Variants in CA10 observed in about 807,000 individuals in gnomAD.
The protein encoded by CA10 is carbonic anhydrase 10 (inactive), also known as carbonic anhydrase-related protein 10.
Under a neutral mutation model 44.2 loss-of-function variants are expected in CA10, and 14 were observed. The observed-to-expected ratio is 0.32, with a 90% CI of 0.21 to 0.50. The LOEUF (loss-of-function observed/expected upper bound fraction) is 0.50, where lower values mean the gene tolerates loss of function less well. Ranked by LOEUF, CA10 falls within the 20% of genes least tolerant of loss-of-function variation. The probability of loss-of-function intolerance (pLI) is 0.99; values close to 1 mark genes in which losing one functional copy is unlikely to be tolerated. For missense variants in CA10, 350 were observed against 409.7 expected, an observed-to-expected ratio of 0.85 and a Z score of 1.26; for synonymous variants, 159 against 141.6, an observed-to-expected ratio of 1.12 and a Z score of -0.87.
chr17:52,073,241 G>GT (rs906157850), intron 1 of CA10, among the ~76,000 whole-genome samples: 13 of 151,890 alleles, frequency 8.6e-5, no homozygotes, highest in Non-Finnish European at 1.8e-4. Context: ...TCTGGTGGGG[G>GT]TTTTTTTCCA....
chr17:51,975,521 A>G (rs1469608924), intron 2 of CA10, among the ~76,000 whole-genome samples: 1 of 152,206 alleles, frequency 6.6e-6, no homozygotes, highest in African/African-American at 2.4e-5. Context: ...TCTACTAAAA[A>G]TACAATAACG....
chr17:51,684,670 T>C (rs1381172307), intron 4 of CA10, among the ~76,000 whole-genome samples: 1 of 152,206 alleles, frequency 6.6e-6, no homozygotes, highest in African/African-American at 2.4e-5. Context: ...CTCTTTAGTA[T>C]TAATTTGCTC....
chr17:51,956,426 TCAA>T (rs911314031), intron 2 of CA10, among the ~76,000 whole-genome samples: 22 of 152,344 alleles, frequency 1.4e-4, no homozygotes, highest in African/African-American at 5.0e-4. Flanking sequence ...TGATTTTCAC[TCAA>T]CAATACATTT....
chr17:52,058,269 A>G (rs1987284350), intron 2 of CA10, among the ~76,000 whole-genome samples: 1 of 152,208 alleles, frequency 6.6e-6, no homozygotes, highest in Admixed American at 6.5e-5. Context: ...AGCCTAAAGC[A>G]AAATTATAAT....
At chr17:51,861,756 T>G (rs1391605923) in intron 3 of CA10, among the ~76,000 whole-genome samples, 1 of 152,092 alleles carries the variant, frequency 6.6e-6, no homozygotes, top group Non-Finnish European at 1.5e-5. Context: ...TTGATTTACA[T>G]AAAATAAATC....
chr17:51,957,164 G>A (rs1983697839), intron 2 of CA10, among the ~76,000 whole-genome samples: 1 of 152,152 alleles, frequency 6.6e-6, no homozygotes, highest in Non-Finnish European at 1.5e-5. Flanking sequence ...TATTTTGCGA[G>A]TTAATTAAAG....
At chr17:51,644,175 T>G (rs72830540) in intron 6 of CA10, among the ~76,000 whole-genome samples, 1 of 15,338 alleles carries the variant, frequency 6.5e-5, no homozygotes, top group Non-Finnish European at 1.9e-4. Flanking sequence ...GTTCCCCCCC[T>G]TTTTTTTTTT....
intron 4 of CA10, among the ~76,000 whole-genome samples, chr17:51,728,587 T>C (rs1319164095): frequency 1.3e-5 from 2 of 152,212 alleles, no homozygotes; most frequent in Non-Finnish European, 2.9e-5. Flanking sequence ...TCTGGGCTTA[T>C]GGATTTTTGG....
rs57349663 is a variant in CA10, at chr17:52,094,318, CA to C, written c.62-21926del. Among the ~76,000 whole-genome samples the C allele has an allele frequency of 2.2e-3, 324 of 144,322 alleles. 1 individual carries two copies. Among genetic ancestry groups the C allele is most frequent in the African/African-American group, 5.8e-3 (230 of 39,738 alleles). 94.7% of individuals were successfully genotyped at this position (144,322 alleles called of 152,430 possible). ...AAAAAACCTAAATAAATGTATAAAG[CA>C]AAAAAAAAAAAGATTATGTCCTTAA... On this transcript the variant is annotated intron_variant, in intron 1 of 8. Coordinates refer to ENST00000451037, the MANE Select transcript of CA10 (RefSeq NM_020178.5).
intron 1 of CA10, among the ~76,000 whole-genome samples, chr17:52,128,478 T>C (rs2143339925): frequency 6.6e-6 from 1 of 152,254 alleles, no homozygotes; most frequent in South Asian, 2.1e-4. Context: ...CCTTCATGGG[T>C]CGTCCACTGT....
chr17:51,978,901 T>C (rs1402471914), intron 2 of CA10, among the ~76,000 whole-genome samples: 1 of 152,098 alleles, frequency 6.6e-6, no homozygotes, highest in African/African-American at 2.4e-5. Context: ...TTCTTTCCTT[T>C]CCATAGTAAC....
intron 3 of CA10, among the ~76,000 whole-genome samples, chr17:51,910,369 G>A (rs1598112928): frequency 6.6e-6 from 1 of 152,128 alleles, no homozygotes; most frequent in Admixed American, 6.5e-5. Context: ...TCCCTCTTCT[G>A]AATCAGCTGT....
intron 3 of CA10, among the ~76,000 whole-genome samples, chr17:51,766,602 G>T (rs987010722): frequency 6.6e-6 from 1 of 152,116 alleles, no homozygotes; most frequent in African/African-American, 2.4e-5. Context: ...TATTTGCAGG[G>T]AAGTGGGGAG....
At chr17:52,121,189 C>T (rs1370228340) in intron 1 of CA10, among the ~76,000 whole-genome samples, 1 of 152,212 alleles carries the variant, frequency 6.6e-6, no homozygotes, top group African/African-American at 2.4e-5. Context: ...GCTGAATCAC[C>T]TCCTCTCTTG....
At position 51,842,850 on chromosome 17, in the gene CA10, T is replaced by C. The variant is rs573831853; in HGVS notation, c.279+88140A>G. 4.6e-5 allele frequency among the ~76,000 whole-genome samples: 7 copies of C among 152,280 alleles called. No homozygotes were observed. The East Asian group carries it at 9.7e-4, about 21-fold the overall frequency. On this transcript the variant is annotated intron_variant, in intron 3 of 8. Coordinates refer to ENST00000451037, the MANE Select transcript of CA10 (RefSeq NM_020178.5). ...CTTTCAGTTTTCATAAATGAACTTC[T>C]GAGAGACAACTAAAAATTCATTTCT...
intron 1 of CA10, among the ~76,000 whole-genome samples, chr17:52,091,151 G>C (rs1988255007): frequency 6.6e-6 from 1 of 152,030 alleles, no homozygotes; most frequent in African/African-American, 2.4e-5. Context: ...TCCTAATTTT[G>C]AGAAGGAAAA....
intron 2 of CA10, among the ~76,000 whole-genome samples, chr17:52,034,920 G>A (rs1229340018): frequency 6.6e-6 from 1 of 152,128 alleles, no homozygotes; most frequent in African/African-American, 2.4e-5. Context: ...GGTTAGGGGA[G>A]TAGAATTAAC....
chr17:52,085,341 T>C (rs1281541422), intron 1 of CA10, among the ~76,000 whole-genome samples: 2 of 152,220 alleles, frequency 1.3e-5, no homozygotes, highest in South Asian at 2.1e-4. Context: ...TCACACCTCC[T>C]GCATGATTAT....
At chr17:51,868,954 A>G (rs1979681914) in intron 3 of CA10, among the ~76,000 whole-genome samples, 1 of 152,084 alleles carries the variant, frequency 6.6e-6, no homozygotes, top group African/African-American at 2.4e-5. Flanking sequence ...TAAAAAATGG[A>G]AAATCAAGAT....
Sources: allele counts gnomAD v4.1 joint callset (sites outside exome capture counted in the v4.1 genomes callset), GRCh38; gene constraint gnomAD v4.1.1; transcripts MANE v1.5; gene names NCBI Gene and HGNC (gene_info 2026-07-23, HGNC 2026-07-21).